Variants in ZDHHC23 observed in about 807,000 individuals in gnomAD.
The protein encoded by ZDHHC23 is zDHHC palmitoyltransferase 23, also known as palmitoyltransferase ZDHHC23.
ZDHHC23 carries 41 observed loss-of-function variants against 40.2 expected under a neutral mutation model. The observed-to-expected ratio is 1.02, with a 90% confidence interval of 0.79 to 1.32. The LOEUF (loss-of-function observed/expected upper bound fraction) is 1.32. ZDHHC23 is among the 40% of genes most tolerant of loss of function. The probability of loss-of-function intolerance (pLI) is 0.00; values close to 1 mark genes in which losing one functional copy is unlikely to be tolerated. For missense variants in ZDHHC23, 471 were observed against 541.5 expected (o/e 0.87, Z 1.29); for synonymous variants, 204 against 210.2 (o/e 0.97, Z 0.26).
Position 113,959,216 on chromosome 3 carries a change from C to A in ZDHHC23, c.*586C>A, listed in dbSNP as rs1939510835. 1 of 1,060,808 alleles carries A rather than the reference C, an allele frequency of 9.4e-7. No individual in the cohort carries two copies. Among genetic ancestry groups the A allele is most frequent in the African/African-American group, 1.6e-5 (1 of 60,912 alleles). The allele number at this position is 1,060,808 out of a possible 1,614,324, so 65.7% of individuals were successfully genotyped here. ...ACGTTTATAGTCTAGAATATTGAAG[C>A]CAATATTATTAGGGTAATCAGTTTT... On this transcript the variant is annotated 3_prime_UTR_variant, in exon 5 of 5. Coordinates refer to ENST00000638807, the MANE Select transcript of ZDHHC23 (RefSeq NM_001320466.2).
At chr3:113,972,980 C>T in the ZDHHC23 span, among the ~76,000 whole-genome samples, 2 of 152,072 alleles carry the variant, frequency 1.3e-5, no homozygotes, top group Admixed American at 6.5e-5. Flanking sequence ...AGGCAGCATA[C>T]AGTTGGATCT....
In ZDHHC23 at chr3:113,956,387, C is replaced by T. The variant is rs1939229263; in HGVS notation, c.921C>T (p.Ala307=). The T allele has an allele frequency of 1.9e-6, 3 of 1,614,136 alleles. No homozygotes were observed. Among genetic ancestry groups the T allele is most frequent in the African/African-American group, 1.3e-5 (1 of 75,016 alleles). The stretch of plus-strand genomic sequence containing the variant: ...CAAATCATCAAGCATTTATACTTGC[C>T]CTTTTGATCTTCTTGCTCACCTCGG... ...GESNHQAFIL[A]LLIFLLTSVY... is the part of the protein sequence containing the mutation. Residue 307 remains alanine (A), a synonymous_variant, in exon 4 of 5, where the codon GCC becomes GCT. Coordinates refer to ENST00000638807, the MANE Select transcript of ZDHHC23 (RefSeq NM_001320466.2).
the ZDHHC23 span, among the ~76,000 whole-genome samples, chr3:113,979,326 T>C: frequency 6.6e-6 from 1 of 152,178 alleles, no homozygotes; most frequent in Non-Finnish European, 1.5e-5. Context: ...GCTGGCAACA[T>C]TCTCAATTTG....
rs1359907404 is a variant in ZDHHC23, at chr3:113,954,241, A to G, written c.703A>G (p.Asn235Asp). 6.2e-7 allele frequency: 1 copy of G among 1,614,062 alleles called. No homozygotes were observed. The highest frequency in any genetic ancestry group is 1.7e-5 in the Admixed American group (1 of 60,010). Residue 235 changes from asparagine to aspartate, a missense_variant, in exon 3 of 5, where the codon AAT becomes GAT. By Grantham distance (23) the Asn-to-Asp change is conservative. Transcript: ENST00000638807. ...PGADMSGSLN[N>D]RTTKDDPKGS... Reference sequence around the variant, plus strand: ...GGCAGACATGTCGGGCAGTCTCAACAATCGCACAACAAAGGATGACCCCAA... The same window carrying G: ...GGCAGACATGTCGGGCAGTCTCAACGATCGCACAACAAAGGATGACCCCAA...
chr3:113,970,259 T>A (rs1940663265), downstream of ZDHHC23, among the ~76,000 whole-genome samples: 1 of 152,218 alleles, frequency 6.6e-6, no homozygotes, highest in African/African-American at 2.4e-5. Flanking sequence ...TGGTGGAGTC[T>A]TTAGGTTTTT....
chr3:113,963,574 CA>C (rs10526433), downstream of ZDHHC23, among the ~76,000 whole-genome samples: 1,763 of 50,716 alleles, frequency 0.035, 41 homozygotes, highest in East Asian at 0.19. Context: ...CCATCTCTAC[CA>C]AAAAAAAAAA....
chr3:113,948,942 A>G lies in ZDHHC23; in HGVS notation c.140A>G (p.Asp47Gly). The change falls in exon 2 of 5, where the codon GAT (aspartate) becomes GGT (glycine). Residue 47 changes from aspartate (D) to glycine (G), a missense_variant. Physicochemically the swap from Asp to Gly is moderately conservative, Grantham distance 94. Coordinates refer to ENST00000638807, the MANE Select transcript of ZDHHC23 (RefSeq NM_001320466.2). ...HVATCLCDCQ[D>G]LDEGCDRWIT... is the part of the protein sequence containing the mutation. ...GCTACTTGTTTGTGTGATTGTCAAGATCTGGATGAAGGGTGTGATCGGTAA... is the reference window on the plus strand; with the variant it reads ...GCTACTTGTTTGTGTGATTGTCAAGGTCTGGATGAAGGGTGTGATCGGTAA... 6.2e-7 allele frequency: 1 copy of G among 1,614,182 alleles called. No individual in the cohort carries two copies. Among genetic ancestry groups the G allele is most frequent in the South Asian group, 1.1e-5 (1 of 91,084 alleles).
intron 2 of ZDHHC23, among the ~76,000 whole-genome samples, chr3:113,951,758 T>C (rs935936303): frequency 3.9e-5 from 6 of 152,224 alleles, no homozygotes; most frequent in Non-Finnish European, 2.9e-5. Flanking sequence ...CCAAACATGC[T>C]TTCTCATTTG....
the ZDHHC23 span, among the ~76,000 whole-genome samples, chr3:113,976,970 G>C: frequency 3.9e-5 from 6 of 152,110 alleles, no homozygotes; most frequent in South Asian, 1.2e-3. Context: ...CTGATTTCCA[G>C]TATCTGTGAA....
chr3:113,978,238 C>G, the ZDHHC23 span: 1 of 1,614,052 alleles, frequency 6.2e-7, no homozygotes, highest in Non-Finnish European at 8.5e-7. Context: ...TCGATCTTCA[C>G]CTCCCTGACC....
intron 2 of ZDHHC23, among the ~76,000 whole-genome samples, chr3:113,951,408 C>T (rs1938647204): frequency 1.3e-5 from 2 of 152,204 alleles, no homozygotes; most frequent in African/African-American, 4.8e-5. Context: ...GCATTGGCAC[C>T]CTGTGGATGC....
chr3:113,967,711 G>T (rs1940354281), downstream of ZDHHC23, among the ~76,000 whole-genome samples: 1 of 152,048 alleles, frequency 6.6e-6, no homozygotes, highest in Non-Finnish European at 1.5e-5. Context: ...TCATCCTACT[G>T]ATCTATTGAA....
At chr3:113,967,021 C>T (rs868511181), downstream of ZDHHC23, among the ~76,000 whole-genome samples, 2 of 152,086 alleles carry the variant, frequency 1.3e-5, no homozygotes, top group Non-Finnish European at 2.9e-5. Flanking sequence ...ATCACTTGAA[C>T]CTGGGAGGTG....
rs1183784296 is a variant in ZDHHC23 at position 113,960,576 on chromosome 3, G to A, written c.*1946G>A. On this transcript the variant is annotated 3_prime_UTR_variant, in exon 5 of 5. Transcript: ENST00000638807. Reference sequence around the variant, plus strand: ...ATCATACAAATTGATAGAAACATTAGTCAGTAATTTTAGCTTCTTGCCAAA... The same window carrying A: ...ATCATACAAATTGATAGAAACATTAATCAGTAATTTTAGCTTCTTGCCAAA... 45 of 1,510,316 alleles carry A rather than the reference G, an allele frequency of 3.0e-5. 1 individual carries two copies. The South Asian group carries it at 5.4e-4, about 18-fold the overall frequency. 93.6% of individuals were successfully genotyped at this position (1,510,316 alleles called of 1,614,324 possible).
chr3:113,966,923 A>C (rs1940237050), downstream of ZDHHC23, among the ~76,000 whole-genome samples: 1 of 151,824 alleles, frequency 6.6e-6, no homozygotes, highest in African/African-American at 2.4e-5. Flanking sequence ...ACATGGTGAA[A>C]CCCCATCTCT....
chr3:113,960,890 AAGCCTTCCCAGGCGTCTGTACCGAAAGG>A lies in ZDHHC23; in HGVS notation c.*2264_*2291del. On this transcript the variant is annotated 3_prime_UTR_variant, in exon 5 of 5. Transcript: ENST00000638807. ...AAAGATGAGTGATCTTGTGTGGGAA[AAGCCTTCCCAGGCGTCTGTACCGAAAGG>A]AGCAGCAAACAAGGGGCTAATCCAT... The A allele has an allele frequency of 8.4e-7, 1 of 1,187,416 alleles. No individual in the cohort carries two copies. The highest frequency in any genetic ancestry group is 2.9e-5 in the East Asian group (1 of 33,906). The allele number at this position is 1,187,416 out of a possible 1,614,324, so 73.6% of individuals were successfully genotyped here. A position where few individuals can be genotyped will look rare whatever the true frequency, so the allele number is the denominator to read the frequency against.
chr3:113,978,652 C>T, the ZDHHC23 span: 4 of 621,818 alleles, frequency 6.4e-6, no homozygotes, highest in African/African-American at 3.7e-5. Flanking sequence ...ATACACACTC[C>T]GTGAAACAAA....
chr3:113,958,790 G>C lies in ZDHHC23; in HGVS notation c.*160G>C. The C allele has an allele frequency of 6.6e-7, 1 of 1,517,494 alleles. No homozygotes were observed. Among genetic ancestry groups the C allele is most frequent in the African/African-American group, 1.4e-5 (1 of 73,588 alleles). 94.0% of individuals were successfully genotyped at this position (1,517,494 alleles called of 1,614,324 possible). A position where few individuals can be genotyped will look rare whatever the true frequency, so the allele number is the denominator to read the frequency against. On this transcript the variant is annotated 3_prime_UTR_variant, in exon 5 of 5. Coordinates refer to ENST00000638807, the MANE Select transcript of ZDHHC23 (RefSeq NM_001320466.2). ...GTGGGAAGAAGTTAATTTTTCTGAC[G>C]CCACAACTTAAGAGACTTTTATACT...
In ZDHHC23 at chr3:113,959,953, C is replaced by G. The variant is rs997952157; in HGVS notation, c.*1323C>G. 10 of 992,590 alleles carry G rather than the reference C, an allele frequency of 1.0e-5. No homozygotes were observed. The African/African-American group carries it at 1.2e-4, about 12-fold the overall frequency. 61.5% of individuals were successfully genotyped at this position (992,590 alleles called of 1,614,324 possible). On this transcript the variant is annotated 3_prime_UTR_variant, in exon 5 of 5. Coordinates refer to ENST00000638807, the MANE Select transcript of ZDHHC23 (RefSeq NM_001320466.2). Reference sequence around the variant, plus strand: ...AAATATTTATGTACAATGGGTTGTTCTACTATAGAATTAAGATGAGGGAAT... The same window carrying G: ...AAATATTTATGTACAATGGGTTGTTGTACTATAGAATTAAGATGAGGGAAT...
Sources: gnomAD v4.1 joint callset for allele counts (sites outside exome capture counted in the v4.1 genomes callset) on GRCh38, gnomAD v4.1.1 for gene constraint, MANE v1.5 for transcripts, NCBI Gene and HGNC (gene_info 2026-07-23, HGNC 2026-07-21) for gene names.